GPC5: variants seen among roughly 807,000 people sequenced by gnomAD.
The protein encoded by GPC5 is glypican-5.
Under a neutral mutation model 53.9 loss-of-function variants are expected in GPC5, and 47 were observed. The ratio of observed to expected loss-of-function variants is 0.87; its 90% CI spans 0.69 to 1.11. The LOEUF (loss-of-function observed/expected upper bound fraction) is 1.11, where lower values mean the gene tolerates loss of function less well. GPC5 is among the 50% of genes most tolerant of loss of function. GPC5 has a pLI of 0.00. For missense variants in GPC5, 748 were observed against 713.1 expected, an observed-to-expected ratio of 1.05 and a Z score of -0.56; for synonymous variants, 286 against 263.3, an observed-to-expected ratio of 1.09 and a Z score of -0.84.
intron 2 of GPC5, among the ~76,000 whole-genome samples, chr13:91,626,870 C>T (rs1458815243): frequency 6.6e-6 from 1 of 151,916 alleles, no homozygotes; most frequent in Non-Finnish European, 1.5e-5. Flanking sequence ...CTTCCTGTGT[C>T]CAGGTGTTCT....
At chr13:92,171,972 GC>G (rs2064554067) in intron 7 of GPC5, among the ~76,000 whole-genome samples, 1 of 152,176 alleles carries the variant, frequency 6.6e-6, no homozygotes, top group South Asian at 2.1e-4. Flanking sequence ...TGCTCCCAAA[GC>G]CTACCATTGC....
chr13:92,715,688 T>C (rs1480086494), intron 7 of GPC5, among the ~76,000 whole-genome samples: 2 of 152,204 alleles, frequency 1.3e-5, no homozygotes, highest in Non-Finnish European at 2.9e-5. Context: ...TGCTGTACTA[T>C]ACCAAGGATT....
intron 6 of GPC5, among the ~76,000 whole-genome samples, chr13:92,080,337 C>A (rs946104033): frequency 6.6e-6 from 1 of 152,212 alleles, no homozygotes; most frequent in African/African-American, 2.4e-5. Context: ...CAAGCAGGTG[C>A]TCCCGCCTTT....
intron 7 of GPC5, among the ~76,000 whole-genome samples, chr13:92,418,382 G>T (rs1262720087): frequency 1.3e-5 from 2 of 152,050 alleles, no homozygotes; most frequent in South Asian, 4.2e-4. Flanking sequence ...GCACAGAGTT[G>T]GGAGATCACG....
At chr13:91,485,611 T>C (rs1420122791) in intron 2 of GPC5, among the ~76,000 whole-genome samples, 1 of 152,204 alleles carries the variant, frequency 6.6e-6, no homozygotes. Context: ...ATAATAGTAA[T>C]AGCAAACAAC....
intron 7 of GPC5, among the ~76,000 whole-genome samples, chr13:92,663,276 T>C (rs1886411113): frequency 6.6e-6 from 1 of 151,894 alleles, no homozygotes; most frequent in African/African-American, 2.4e-5. Context: ...TATAAGAACA[T>C]GAAATTTTTC....
intron 7 of GPC5, among the ~76,000 whole-genome samples, chr13:92,584,769 C>G (rs1883483607): frequency 1.3e-5 from 2 of 152,060 alleles, no homozygotes; most frequent in Admixed American, 1.3e-4. Flanking sequence ...CCTAGGGTCC[C>G]TGTGTGGCAT....
chr13:92,242,661 A>G (rs76578836), intron 7 of GPC5, among the ~76,000 whole-genome samples: 2,770 of 152,288 alleles, frequency 0.018, 43 homozygotes, highest in Middle Eastern at 0.078. Flanking sequence ...ACTATTGTTT[A>G]TCTCTTTTCA....
At chr13:92,198,830 A>C (rs2042274870) in intron 7 of GPC5, among the ~76,000 whole-genome samples, 1 of 152,206 alleles carries the variant, frequency 6.6e-6, no homozygotes, top group Non-Finnish European at 1.5e-5. Context: ...GAAACCGAGA[A>C]ATGGTCATAT....
At chr13:91,574,935 C>T (rs2032077553) in intron 2 of GPC5, among the ~76,000 whole-genome samples, 1 of 152,094 alleles carries the variant, frequency 6.6e-6, no homozygotes, top group Non-Finnish European at 1.5e-5. Flanking sequence ...GGCTAGGAAT[C>T]ATCCTAGAGT....
intron 7 of GPC5, among the ~76,000 whole-genome samples, chr13:92,459,668 T>A (rs1878405277): frequency 6.6e-6 from 1 of 152,174 alleles, no homozygotes; most frequent in Non-Finnish European, 1.5e-5. Flanking sequence ...AGTTCTCAAA[T>A]TTTTTTGCCT....
rs552523156 is a variant in GPC5 at position 91,960,542 on chromosome 13, C to T, written c.1401+52485C>T. 4.6e-5 allele frequency among the ~76,000 whole-genome samples: 7 copies of T among 150,662 alleles called. No individual in the cohort carries two copies. The South Asian group carries it at 1.6e-3, about 33-fold the overall frequency. On this transcript the variant is annotated intron_variant, in intron 6 of 7. Transcript: ENST00000377067. ...CTATAAAAAGACCAATTTCATTTTACATAGAAATAGAAAAACAACTCTAAA... is the reference window on the plus strand; with the variant it reads ...CTATAAAAAGACCAATTTCATTTTATATAGAAATAGAAAAACAACTCTAAA...
At chr13:92,149,047 A>G (rs2041888551) in intron 7 of GPC5, among the ~76,000 whole-genome samples, 1 of 152,012 alleles carries the variant, frequency 6.6e-6, no homozygotes, top group African/African-American at 2.4e-5. Flanking sequence ...CATTTTGGCA[A>G]GCTGGTTCAC....
intron 6 of GPC5, among the ~76,000 whole-genome samples, chr13:91,933,400 A>T (rs975090831): frequency 2.0e-5 from 3 of 151,952 alleles, no homozygotes; most frequent in African/African-American, 7.2e-5. Context: ...TCCTGTTTTT[A>T]TGTATCATAG....
chr13:92,190,566 C>T lies in GPC5; in HGVS notation c.1561+45577C>T, dbSNP rs1399150875. Among the ~76,000 whole-genome samples, 2 of 151,892 alleles carry T rather than the reference C, an allele frequency of 1.3e-5. 1 individual carries two copies. The highest frequency in any genetic ancestry group is 1.3e-4 in the Admixed American group (2 of 15,248). Reference sequence around the variant, plus strand: ...ATAAGTGAAACGAATGATAATGATACAAGAGATAGGAGGAAGGAATTAGGA... The same window carrying T: ...ATAAGTGAAACGAATGATAATGATATAAGAGATAGGAGGAAGGAATTAGGA... On this transcript the variant is annotated intron_variant, in intron 7 of 7. Transcript: ENST00000377067.
intron 7 of GPC5, among the ~76,000 whole-genome samples, chr13:92,423,095 T>C (rs901397346): frequency 2.0e-5 from 3 of 152,194 alleles, no homozygotes; most frequent in Non-Finnish European, 2.9e-5. Flanking sequence ...GACTATCTTC[T>C]GTGTAGTAGA....
intron 6 of GPC5, among the ~76,000 whole-genome samples, chr13:92,011,876 G>A (rs1163522098): frequency 1.3e-5 from 2 of 152,182 alleles, no homozygotes; most frequent in Non-Finnish European, 1.5e-5. Flanking sequence ...ATTAATTGCT[G>A]TAATGTTCAC....
intron 6 of GPC5, among the ~76,000 whole-genome samples, chr13:92,082,696 C>G (rs952765129): frequency 2.0e-5 from 3 of 152,124 alleles, no homozygotes; most frequent in African/African-American, 7.2e-5. Flanking sequence ...TTAAATTTTT[C>G]TCTACAGAGT....
chr13:92,635,622 G>A (rs926608069), intron 7 of GPC5, among the ~76,000 whole-genome samples: 7 of 152,098 alleles, frequency 4.6e-5, no homozygotes, highest in Admixed American at 2.6e-4. Flanking sequence ...TGTAGCATTC[G>A]GGACTAAGTT....
Sources: gnomAD v4.1 joint callset for allele counts (sites outside exome capture counted in the v4.1 genomes callset) on GRCh38, gnomAD v4.1.1 for gene constraint, MANE v1.5 for transcripts, NCBI Gene and HGNC (gene_info 2026-07-23, HGNC 2026-07-21) for gene names.